Variants in MLYCD observed in about 807,000 individuals in gnomAD.
MLYCD encodes the protein malonyl-CoA decarboxylase.
Under a neutral mutation model 35.8 loss-of-function variants are expected in MLYCD, and 27 were observed. The observed-to-expected ratio is 0.75, with a 90% CI of 0.56 to 1.04. The LOEUF is 1.04. Ranked by LOEUF, MLYCD falls within the 50% of genes least tolerant of loss-of-function variation. The probability of loss-of-function intolerance (pLI) is 0.00; values close to 1 mark genes in which losing one functional copy is unlikely to be tolerated. For missense variants in MLYCD, 917 were observed against 665.1 expected, an observed-to-expected ratio of 1.38 and a Z score of -4.17; for synonymous variants, 403 against 302.4, an observed-to-expected ratio of 1.33 and a Z score of -3.45.
At chr16:83,912,172 G>A in intron 3 of MLYCD, 46 bp from the exon 4 acceptor site, 1 of 1,588,800 alleles carries the variant, frequency 6.3e-7, no homozygotes, top group Non-Finnish European at 8.6e-7. Flanking sequence ...CTCGTGGGCT[G>A]CAGAGCGGCC....
At position 83,916,312 on chromosome 16, in the gene MLYCD, AG is replaced by A. The variant is rs1907384982; in HGVS notation, c.*827del. 1 of 493,050 alleles carries A rather than the reference AG, an allele frequency of 2.0e-6. No homozygotes were observed. The highest frequency in any genetic ancestry group is 2.1e-5 in the African/African-American group (1 of 47,514). 30.5% of individuals were successfully genotyped at this position (493,050 alleles called of 1,614,324 possible). On this transcript the variant is annotated 3_prime_UTR_variant, in exon 5 of 5. Coordinates refer to ENST00000262430, the MANE Select transcript of MLYCD (RefSeq NM_012213.3). ...GTTGGATGAGAACAAAGGTGAAGGAAGGGGCAGTCATTGTGCTTGTGGGAGG... is the reference window on the plus strand; with the variant it reads ...GTTGGATGAGAACAAAGGTGAAGGAAGGGCAGTCATTGTGCTTGTGGGAGG...
chr16:83,900,070 G>A (rs970522150), intron 1 of MLYCD, among the ~76,000 whole-genome samples: 1 of 152,212 alleles, frequency 6.6e-6, no homozygotes, highest in African/African-American at 2.4e-5. Context: ...TGAGACCCTG[G>A]ATGGTGTTTC....
chr16:83,901,919 C>G (rs1256354778), intron 1 of MLYCD, among the ~76,000 whole-genome samples: 1 of 152,118 alleles, frequency 6.6e-6, no homozygotes, highest in East Asian at 1.9e-4. Flanking sequence ...TAACGACAGT[C>G]TGATCTTTGC....
Position 83,908,206 on chromosome 16 carries a change from C to T in MLYCD, c.722C>T (p.Ser241Phe). 1.2e-6 allele frequency: 2 copies of T among 1,614,254 alleles called. No individual in the cohort carries two copies. The highest frequency in any genetic ancestry group is 1.7e-6 in the Non-Finnish European group (2 of 1,180,054). The change falls in exon 3 of 5, where the codon TCT becomes TTT. Residue 241 changes from serine to phenylalanine, a missense_variant. Transcript: ENST00000262430. ...CCCTACAGAAGGTGTTACTTCTTTT[C>T]TCACTGTTCGACCCCTGGGGAGCCC... ...VGPYRRCYFF[S>F]HCSTPGEPLV...
chr16:83,901,475 T>C (rs755149732), intron 1 of MLYCD, among the ~76,000 whole-genome samples: 4 of 152,212 alleles, frequency 2.6e-5, no homozygotes, highest in Non-Finnish European at 5.9e-5. Flanking sequence ...CACTCAGTCA[T>C]AGATTTTTGA....
intron 4 of MLYCD, chr16:83,914,694 G>C (rs1350466930): frequency 3.1e-5 from 15 of 491,172 alleles, no homozygotes; most frequent in Non-Finnish European, 5.2e-5. Flanking sequence ...CAGGAGGATG[G>C]CTTGGACCCA....
rs1907214173 is a variant in MLYCD at position 83,912,440 on chromosome 16, C to T, written c.948+73C>T. 3.1e-6 allele frequency: 5 copies of T among 1,589,250 alleles called. No homozygotes were observed. The South Asian group carries it at 3.3e-5, about 11-fold the overall frequency. On this transcript the variant is annotated intron_variant, in intron 4 of 4. Coordinates refer to ENST00000262430, the MANE Select transcript of MLYCD (RefSeq NM_012213.3). Reference sequence around the variant, plus strand: ...CAGGTCAGCGAACCTCGTGGGGTGTCAGGTGCCATGAGGGACACAGATGAA... The same window carrying T: ...CAGGTCAGCGAACCTCGTGGGGTGTTAGGTGCCATGAGGGACACAGATGAA...
Position 83,915,849 on chromosome 16 carries a change from A to G in MLYCD, c.*360A>G. On this transcript the variant is annotated 3_prime_UTR_variant, in exon 5 of 5. Transcript: ENST00000262430. ...CATTGCCATCCCAGGGGGATCTGGCATCCTCCTAAGGACCGGGGCGCGTGG... is the reference window on the plus strand; with the variant it reads ...CATTGCCATCCCAGGGGGATCTGGCGTCCTCCTAAGGACCGGGGCGCGTGG... 8.2e-7 allele frequency: 1 copy of G among 1,212,186 alleles called. No individual in the cohort carries two copies. The highest frequency in any genetic ancestry group is 1.0e-6 in the Non-Finnish European group (1 of 960,788). 75.1% of individuals were successfully genotyped at this position (1,212,186 alleles called of 1,614,324 possible). A position where few individuals can be genotyped will look rare whatever the true frequency, so the allele number is the denominator to read the frequency against.
At chr16:83,909,592 C>T (rs1404464470) in intron 3 of MLYCD, among the ~76,000 whole-genome samples, 2 of 150,506 alleles carry the variant, frequency 1.3e-5, no homozygotes, top group African/African-American at 4.9e-5. Context: ...TTGCCCTGAG[C>T]ACCCTGTGAT....
chr16:83,907,677 G>C (rs923116190), intron 2 of MLYCD, among the ~76,000 whole-genome samples: 1 of 152,138 alleles, frequency 6.6e-6, no homozygotes, highest in African/African-American at 2.4e-5. Context: ...TCAATTCAAA[G>C]GGCTGACAGT....
intron 1 of MLYCD, among the ~76,000 whole-genome samples, chr16:83,906,739 T>A (rs1005460783): frequency 1.4e-5 from 2 of 140,762 alleles, no homozygotes; most frequent in Non-Finnish European, 3.0e-5. Flanking sequence ...TTGAATTGTT[T>A]CCTTCAGAGG....
chr16:83,915,294 G>C lies in MLYCD; in HGVS notation c.1287G>C (p.Val429=). ...ACTTCCACCTGCAGAACGGGGCGGT[G>C]CTGTGGCGCATCAACTGGATGGCGG... The part of the protein sequence containing the change: ...VANFHLQNGA[V]LWRINWMADV... Residue 429 remains valine (V), a synonymous_variant, in exon 5 of 5, where the codon GTG becomes GTC. Coordinates refer to ENST00000262430, the MANE Select transcript of MLYCD (RefSeq NM_012213.3). 6.2e-7 allele frequency: 1 copy of C among 1,613,730 alleles called. No homozygotes were observed.
At chr16:83,904,997 C>G (rs1438388302) in intron 1 of MLYCD, among the ~76,000 whole-genome samples, 1 of 152,222 alleles carries the variant, frequency 6.6e-6, no homozygotes, top group African/African-American at 2.4e-5. Flanking sequence ...GACCTCATCT[C>G]CTTCCGAAAA....
At chr16:83,900,101 C>T (rs879930173) in intron 1 of MLYCD, among the ~76,000 whole-genome samples, 6 of 152,202 alleles carry the variant, frequency 3.9e-5, no homozygotes, top group Non-Finnish European at 8.8e-5. Flanking sequence ...TGGGCACCCG[C>T]TATGTGTGAG....
chr16:83,912,575 C>T (rs1907218963), intron 4 of MLYCD: 3 of 645,416 alleles, frequency 4.6e-6, no homozygotes, highest in Non-Finnish European at 8.0e-6. Flanking sequence ...TGAGAGAGGC[C>T]TCCAACCCAG....
Position 83,900,576 on chromosome 16 carries a change from C to T in MLYCD, c.528+904C>T, listed in dbSNP as rs1282094798. Among the ~76,000 whole-genome samples the T allele has an allele frequency of 3.3e-5, 5 of 149,980 alleles. No individual in the cohort carries two copies. The South Asian group carries it at 1.1e-3, about 32-fold the overall frequency. Reference sequence around the variant, plus strand: ...GACTACAGGTGCAGGCCACCATGCCCGGCTAATTTTTTTTTTTTTTTTTTT... The same window carrying T: ...GACTACAGGTGCAGGCCACCATGCCTGGCTAATTTTTTTTTTTTTTTTTTT... On this transcript the variant is annotated intron_variant, in intron 1 of 4. Coordinates refer to ENST00000262430, the MANE Select transcript of MLYCD (RefSeq NM_012213.3).
At chr16:83,906,099 A>G (rs1906964428) in intron 1 of MLYCD, among the ~76,000 whole-genome samples, 1 of 152,204 alleles carries the variant, frequency 6.6e-6, no homozygotes, top group African/African-American at 2.4e-5. Flanking sequence ...AAATGCTGCC[A>G]GTTACGGCGG....
chr16:83,909,856 C>T (rs1367016366), intron 3 of MLYCD, among the ~76,000 whole-genome samples: 2 of 151,106 alleles, frequency 1.3e-5, no homozygotes, highest in East Asian at 3.9e-4. Flanking sequence ...TGGTCTCGAA[C>T]TCCCGACCTC....
Position 83,915,439 on chromosome 16 carries a change from G to C in MLYCD, c.1432G>C (p.Glu478Gln). The change falls in exon 5 of 5, where the codon GAG (glutamate) becomes CAG (glutamine). Residue 478 changes from glutamate (E) to glutamine (Q), a missense_variant. Coordinates refer to ENST00000262430, the MANE Select transcript of MLYCD (RefSeq NM_012213.3). ...YLGSKIIKAS[E>Q]QVLSLVAQFQ... is the part of the protein sequence containing the mutation. ...CGGCTCCAAGATCATCAAAGCCTCTGAGCAGGTCCTCAGCCTAGTGGCCCA... is the reference window on the plus strand; with the variant it reads ...CGGCTCCAAGATCATCAAAGCCTCTCAGCAGGTCCTCAGCCTAGTGGCCCA... 1 of 1,613,574 alleles carries C rather than the reference G, an allele frequency of 6.2e-7. No individual in the cohort carries two copies. The highest frequency in any genetic ancestry group is 8.5e-7 in the Non-Finnish European group (1 of 1,180,044).
Sources: allele counts gnomAD v4.1 joint callset (sites outside exome capture counted in the v4.1 genomes callset), GRCh38; gene constraint gnomAD v4.1.1; transcripts MANE v1.5; gene names NCBI Gene and HGNC (gene_info 2026-07-23, HGNC 2026-07-21).